Variants in ZNF226 observed in about 807,000 individuals in gnomAD.
ZNF226 encodes zinc finger protein 226.
Under a neutral mutation model 11.4 loss-of-function variants are expected in ZNF226, and 6 were observed. That is an observed-to-expected ratio of 0.53 (90% CI 0.29 to 1.04). ZNF226 has a LOEUF of 1.04. Among genes scored for constraint, ZNF226 ranks in the 50% least tolerant of loss-of-function variants. ZNF226 has a pLI of 0.08. For missense variants in ZNF226, 1,058 were observed against 956.5 expected (o/e 1.11, Z -1.40); for synonymous variants, 350 against 322.8 (o/e 1.08, Z -0.90).
the ZNF226 span, among the ~76,000 whole-genome samples, chr19:44,189,583 A>G: frequency 6.6e-6 from 1 of 152,232 alleles, no homozygotes; most frequent in African/African-American, 2.4e-5. Context: ...AAGTTGGACT[A>G]AAGGATTCTT....
chr19:44,176,218 G>A lies in ZNF226; in HGVS notation c.956G>A (p.Gly319Asp), dbSNP rs781650107. 22 of 1,614,006 alleles carry A rather than the reference G, an allele frequency of 1.4e-5. No individual in the cohort carries two copies. The highest frequency in any genetic ancestry group is 1.8e-5 in the Non-Finnish European group (21 of 1,180,006). ...CDECGKEFSQ[G>D]AHLQTHQKVH... ...GAGTGTGGTAAGGAATTCAGTCAGG[G>A]CGCTCATCTACAGACCCATCAGAAA... is the stretch of plus-strand genomic sequence containing the variant. Residue 319 changes from glycine to aspartate, a missense_variant, in exon 6 of 6, where the codon GGC becomes GAC. By Grantham distance (94) the Gly-to-Asp change is moderately conservative. Coordinates refer to ENST00000337433, the MANE Select transcript of ZNF226 (RefSeq NM_001032373.2).
At chr19:44,194,176 A>T in the ZNF226 span, among the ~76,000 whole-genome samples, 2 of 152,156 alleles carry the variant, frequency 1.3e-5, no homozygotes, top group African/African-American at 2.4e-5. Flanking sequence ...CTTGTCTGTG[A>T]CTATTTTATC....
chr19:44,173,002 T>C (rs1341528272), intron 5 of ZNF226, 50 bp downstream of exon 5: 1 of 1,516,498 alleles, frequency 6.6e-7, no homozygotes, highest in Admixed American at 2.0e-5. Context: ...CCATCTGCTT[T>C]GCTTCTTCTT....
At chr19:44,188,316 A>C in the ZNF226 span, among the ~76,000 whole-genome samples, 1 of 152,190 alleles carries the variant, frequency 6.6e-6, no homozygotes, top group African/African-American at 2.4e-5. Flanking sequence ...TTAGGTGCAT[A>C]TATATTTACG....
intron 2 of ZNF226, among the ~76,000 whole-genome samples, chr19:44,167,549 A>C (rs1969550786): frequency 6.6e-6 from 1 of 151,962 alleles, no homozygotes; most frequent in Non-Finnish European, 1.5e-5. Flanking sequence ...CGAACTCCTG[A>C]CCTCAGGTGA....
At position 44,176,449 on chromosome 19, in the gene ZNF226, G is replaced by A; in HGVS notation, c.1187G>A (p.Cys396Tyr). The change falls in exon 6 of 6, where the codon TGT becomes TAT. Residue 396 changes from cysteine (C) to tyrosine (Y), a missense_variant. Coordinates refer to ENST00000337433, the MANE Select transcript of ZNF226 (RefSeq NM_001032373.2). ...GAGAAGCCATTCAAATGTGATGCAT[G>A]TGGTAAGAGCTTCAGTCGGAATTCA... ...TGEKPFKCDA[C>Y]GKSFSRNSHL... 6.2e-7 allele frequency: 1 copy of A among 1,614,096 alleles called. No homozygotes were observed. The highest frequency in any genetic ancestry group is 8.5e-7 in the Non-Finnish European group (1 of 1,180,010).
Position 44,176,298 on chromosome 19 carries a change from C to G in ZNF226, c.1036C>G (p.Arg346Gly), listed in dbSNP as rs200990346. 2 of 1,614,086 alleles carry G rather than the reference C, an allele frequency of 1.2e-6. No individual in the cohort carries two copies. The highest frequency in any genetic ancestry group is 8.5e-7 in the Non-Finnish European group (1 of 1,180,010). ...TAAGCAATGTGGGAAAGGTTTCAGT[C>G]GTAGATCAGCACTTAATGTTCATTG... The part of the protein sequence containing the change: ...KCKQCGKGFS[R>G]RSALNVHCKV... The change falls in exon 6 of 6, where the codon CGT (arginine) becomes GGT (glycine). Residue 346 changes from arginine to glycine, a missense_variant. By Grantham distance (125) the Arg-to-Gly change is moderately radical. Transcript: ENST00000337433.
downstream of ZNF226, chr19:44,177,729 C>CA: frequency 2.0e-6 from 3 of 1,507,440 alleles, no homozygotes; most frequent in South Asian, 1.4e-5. Context: ...GTCTCAAAGT[C>CA]AGTGTTTCAG....
chr19:44,176,842 G>A lies in ZNF226; in HGVS notation c.1580G>A (p.Gly527Glu), dbSNP rs1306407443. ...CAAGTTCATCTAGTGGTCCACACAG[G>A]AGAGAAACCCTATAAATGTGAGATA... ...HYQVHLVVHTGEKPYKCEICG... is the reference protein window; with the variant it reads ...HYQVHLVVHTEEKPYKCEICG... The change falls in exon 6 of 6, where the codon GGA becomes GAA. Residue 527 changes from glycine (G) to glutamate (E), a missense_variant. By Grantham distance (98) the Gly-to-Glu change is moderately conservative. Coordinates refer to ENST00000337433, the MANE Select transcript of ZNF226 (RefSeq NM_001032373.2). 4 of 1,614,152 alleles carry A rather than the reference G, an allele frequency of 2.5e-6. No individual in the cohort carries two copies. The highest frequency in any genetic ancestry group is 2.2e-5 in the South Asian group (2 of 91,082).
Position 44,177,383 on chromosome 19 carries a change from C to T in ZNF226, c.2121C>T (p.Tyr707=), listed in dbSNP as rs1165992990. ...ATAAATGTGGGGAGTGTGGTAAGTA[C>T]TTCAGTCAGGCCTCAAGTCTTCAAC... ...KPYKCGECGK[Y]FSQASSLQLH... The change falls in exon 6 of 6, where the codon TAC becomes TAT. Residue 707 remains tyrosine (Y), a synonymous_variant. Coordinates refer to ENST00000337433, the MANE Select transcript of ZNF226 (RefSeq NM_001032373.2). The T allele has an allele frequency of 6.2e-7, 1 of 1,613,378 alleles. No individual in the cohort carries two copies. The highest frequency in any genetic ancestry group is 1.3e-5 in the African/African-American group (1 of 74,744).
At chr19:44,173,234 CAG>C in intron 5 of ZNF226, 3 of 524,520 alleles carry the variant, frequency 5.7e-6, no homozygotes, top group South Asian at 3.2e-5. Context: ...ATGTGGCTGA[CAG>C]AGTCTTACAC....
At chr19:44,196,064 G>T in the ZNF226 span, among the ~76,000 whole-genome samples, 1 of 151,874 alleles carries the variant, frequency 6.6e-6, no homozygotes, top group Non-Finnish European at 1.5e-5. Context: ...AAGGAATGAT[G>T]CCAGGGGGAT....
At chr19:44,185,390 T>C in the ZNF226 span, among the ~76,000 whole-genome samples, 1 of 152,244 alleles carries the variant, frequency 6.6e-6, no homozygotes, top group East Asian at 1.9e-4. Context: ...TCTTCCAACG[T>C]TACATCCTTG....
In ZNF226 at chr19:44,172,287, C is replaced by T. The variant is rs776222020; in HGVS notation, c.142+73C>T. ...AGGCTTTGTGGCCCTTGAAATTGTT[C>T]CCTGAGTGTGGGAATCTGACTTTCC... On this transcript the variant is annotated intron_variant, in intron 4 of 5. Transcript: ENST00000337433. 2.6e-4 allele frequency: 405 copies of T among 1,533,320 alleles called. 1 individual carries two copies. The highest frequency in any genetic ancestry group is 3.1e-4 in the Non-Finnish European group (356 of 1,137,588). 95.0% of individuals were successfully genotyped at this position (1,533,320 alleles called of 1,614,324 possible).
Position 44,176,740 on chromosome 19 carries a change from A to T in ZNF226, c.1478A>T (p.His493Leu), listed in dbSNP as rs750307681. 6.5e-5 allele frequency: 105 copies of T among 1,614,110 alleles called. No individual in the cohort carries two copies. The highest frequency in any genetic ancestry group is 8.9e-5 in the Non-Finnish European group (105 of 1,180,042). ...ACTCTGAGTTCAAATCTTCAAGCCC[A>T]TCAGAGAGTCCACACTGGAGAGAAG... is the stretch of plus-strand genomic sequence containing the variant. ...GFTLSSNLQAHQRVHTGEKPY... is the reference protein window; with the variant it reads ...GFTLSSNLQALQRVHTGEKPY... Residue 493 changes from histidine to leucine, a missense_variant, in exon 6 of 6, where the codon CAT becomes CTT. Coordinates refer to ENST00000337433, the MANE Select transcript of ZNF226 (RefSeq NM_001032373.2).
chr19:44,190,515 T>G, the ZNF226 span, among the ~76,000 whole-genome samples: 1 of 152,012 alleles, frequency 6.6e-6, no homozygotes, highest in South Asian at 2.1e-4. Context: ...CTTTGTATTT[T>G]TAGTAGAGAT....
rs755070113 is a variant in ZNF226 at position 44,176,653 on chromosome 19, C to G, written c.1391C>G (p.Ala464Gly). The part of the protein sequence containing the change: ...KGFSRPSSLQ[A>G]HQGVHTGEKS... The stretch of plus-strand genomic sequence containing the variant: ...TTTAGTCGGCCTTCAAGTCTTCAGG[C>G]CCATCAGGGAGTTCACACTGGAGAG... Residue 464 changes from alanine to glycine, a missense_variant, in exon 6 of 6, where the codon GCC becomes GGC. Coordinates refer to ENST00000337433, the MANE Select transcript of ZNF226 (RefSeq NM_001032373.2). 1 of 1,613,516 alleles carries G rather than the reference C, an allele frequency of 6.2e-7. No homozygotes were observed. The highest frequency in any genetic ancestry group is 1.7e-5 in the Admixed American group (1 of 59,974).
rs1341487972 is a variant in ZNF226, at chr19:44,168,246, TG to T, written c.-46-1788del. ...CTGTTGTCAAAGTAGTTTTTTGTTTTGTTTTTTTTTTTGTCTTTTTGCTTTC... is the reference window on the plus strand; with the variant it reads ...CTGTTGTCAAAGTAGTTTTTTGTTTTTTTTTTTTTTTGTCTTTTTGCTTTC... On this transcript the variant is annotated intron_variant, in intron 2 of 5. Coordinates refer to ENST00000337433, the MANE Select transcript of ZNF226 (RefSeq NM_001032373.2). 1.2e-3 allele frequency among the ~76,000 whole-genome samples: 115 copies of T among 94,674 alleles called. 1 individual carries two copies. The highest frequency in any genetic ancestry group is 4.5e-3 in the African/African-American group (98 of 21,594). 62.1% of individuals were successfully genotyped at this position (94,674 alleles called of 152,430 possible).
chr19:44,177,504 G>T lies in ZNF226; in HGVS notation c.2242G>T (p.Val748Phe), dbSNP rs1403808173. The T allele has an allele frequency of 6.2e-7, 1 of 1,614,078 alleles. No individual in the cohort carries two copies. The highest frequency in any genetic ancestry group is 8.5e-7 in the Non-Finnish European group (1 of 1,180,036). Residue 748 changes from valine to phenylalanine, a missense_variant, in exon 6 of 6, where the codon GTT (valine) becomes TTT (phenylalanine). Physicochemically the swap from Val to Phe is conservative, Grantham distance 50 (BLOSUM62 -1). Transcript: ENST00000337433. Reference protein sequence around the residue: ...RSSQLQSHQRVHTGEKPYKCE... With the variant: ...RSSQLQSHQRFHTGEKPYKCE... ...TTCACAACTACAGTCTCATCAGCGA[G>T]TTCACACTGGGGAGAAACCTTATAA...
Sources: allele counts gnomAD v4.1 joint callset (sites outside exome capture counted in the v4.1 genomes callset), GRCh38; gene constraint gnomAD v4.1.1; transcripts MANE v1.5; gene names NCBI Gene and HGNC (gene_info 2026-07-23, HGNC 2026-07-21).